Variants in CCN4 observed in about 807,000 individuals in gnomAD.
CCN4 encodes cellular communication network factor 4.
In CCN4, 30 loss-of-function variants were observed where a neutral mutation model predicts 36.7. The ratio of observed to expected loss-of-function variants is 0.82; its 90% CI spans 0.61 to 1.11. The LOEUF (loss-of-function observed/expected upper bound fraction) is 1.11. CCN4 is among the 50% of genes least tolerant of loss of function. The pLI, the probability that CCN4 is intolerant of heterozygous loss-of-function variation, is 0.00. For synonymous variants in CCN4, 191 were observed against 195.4 expected (o/e 0.98, Z 0.19); for missense variants, 505 against 504.9 (o/e 1.00, Z 0.00).
intron 1 of CCN4, among the ~76,000 whole-genome samples, chr8:133,205,375 C>CT (rs937875315): frequency 6.6e-6 from 1 of 152,134 alleles, no homozygotes; most frequent in Non-Finnish European, 1.5e-5. Flanking sequence ...TTGTCTTTGT[C>CT]TTTTTTTTCC....
In CCN4 at chr8:133,225,567, T is replaced by TA; in HGVS notation, c.788_789insA (p.His264ProfsTer5). ...AACTTGCGGCCATGCGATGTGGACA[T>TA]CCATACACTCATTAAGGTGGGTCCA... On this transcript the variant is annotated frameshift_variant, in exon 4 of 5. Coordinates refer to ENST00000250160, the MANE Select transcript of CCN4 (RefSeq NM_003882.4). LOFTEE classifies it high-confidence loss of function. 3.1e-6 allele frequency: 5 copies of TA among 1,609,098 alleles called. No individual in the cohort carries two copies. Among genetic ancestry groups the TA allele is most frequent in the Non-Finnish European group, 4.2e-6 (5 of 1,176,542 alleles).
chr8:133,209,350 GC>G (rs1853901250), intron 1 of CCN4, among the ~76,000 whole-genome samples: 1 of 152,210 alleles, frequency 6.6e-6, no homozygotes, highest in Non-Finnish European at 1.5e-5. Flanking sequence ...ACCAAACCCA[GC>G]AGTCCTCATG....
Position 133,210,292 on chromosome 8 carries a change from C to T in CCN4, c.70-2572C>T, listed in dbSNP as rs1164256375. Among the ~76,000 whole-genome samples, 7 of 152,040 alleles carry T rather than the reference C, an allele frequency of 4.6e-5. 1 individual carries two copies. The East Asian group carries it at 1.4e-3, about 29-fold the overall frequency. On this transcript the variant is annotated intron_variant, in intron 1 of 4. Coordinates refer to ENST00000250160, the MANE Select transcript of CCN4 (RefSeq NM_003882.4). ...CAAGAGCACGTCCTGAGTGTGGTGG[C>T]TCTGAGAGATGGTCTGCTAGTGCTC...
intron 1 of CCN4, among the ~76,000 whole-genome samples, chr8:133,208,558 C>A (rs761027203): frequency 7.2e-5 from 11 of 152,218 alleles, no homozygotes; most frequent in Non-Finnish European, 1.5e-4. Context: ...CCTCATCCGT[C>A]CTAGCCTTCG....
rs1854305329 is a variant in CCN4, at chr8:133,215,975, C to A, written c.349+2832C>A. Among the ~76,000 whole-genome samples the A allele has an allele frequency of 2.7e-5, 4 of 147,916 alleles. No individual in the cohort carries two copies. The South Asian group carries it at 8.4e-4, about 31-fold the overall frequency. The stretch of plus-strand genomic sequence containing the variant: ...TTCAGTCAGATAGTTCCTTACCCAC[C>A]CATTACACTACACACACACACACAC... On this transcript the variant is annotated intron_variant, in intron 2 of 4. Coordinates refer to ENST00000250160, the MANE Select transcript of CCN4 (RefSeq NM_003882.4).
intron 3 of CCN4, among the ~76,000 whole-genome samples, chr8:133,223,087 C>T (rs924785449): frequency 3.9e-5 from 6 of 152,130 alleles, no homozygotes; most frequent in Middle Eastern, 3.4e-3. Context: ...CAAAATTGCT[C>T]GGTGGAGAAG....
At chr8:133,201,538 T>G (rs1472527048) in intron 1 of CCN4, among the ~76,000 whole-genome samples, 1 of 152,174 alleles carries the variant, frequency 6.6e-6, no homozygotes, top group Non-Finnish European at 1.5e-5. Flanking sequence ...TTCGCTAGAT[T>G]TTTAAGAATA....
At position 133,212,889 on chromosome 8, in the gene CCN4, T is replaced by G. The variant is rs1854110131; in HGVS notation, c.95T>G (p.Met32Arg). The G allele has an allele frequency of 6.2e-7, 1 of 1,601,458 alleles. No homozygotes were observed. The highest frequency in any genetic ancestry group is 1.3e-5 in the African/African-American group (1 of 74,164). ...ATALSPAPTT[M>R]DFTPAPLEDT... is the part of the protein sequence containing the mutation. ...GCCCTCTCTCCAGCCCCTACGACCA[T>G]GGACTTTACCCCAGCTCCACTGGAG... is the stretch of plus-strand genomic sequence containing the variant. Residue 32 changes from methionine to arginine, a missense_variant, in exon 2 of 5, where the codon ATG (methionine) becomes AGG (arginine). Physicochemically the swap from Met to Arg is moderately conservative, Grantham distance 91. Coordinates refer to ENST00000250160, the MANE Select transcript of CCN4 (RefSeq NM_003882.4).
chr8:133,215,795 T>C (rs1854300025), intron 2 of CCN4, among the ~76,000 whole-genome samples: 1 of 152,276 alleles, frequency 6.6e-6, no homozygotes, highest in African/African-American at 2.4e-5. Context: ...GGTTCCCTGG[T>C]CATGAAGTTT....
chr8:133,197,528 CA>C (rs1187376572), intron 1 of CCN4, among the ~76,000 whole-genome samples: 1 of 152,082 alleles, frequency 6.6e-6, no homozygotes, highest in Non-Finnish European at 1.5e-5. Flanking sequence ...GTCTCCCCCC[CA>C]GCTCTGACAT....
At chr8:133,204,769 G>T (rs1433366704) in intron 1 of CCN4, among the ~76,000 whole-genome samples, 2 of 152,296 alleles carry the variant, frequency 1.3e-5, no homozygotes, top group African/African-American at 4.8e-5. Flanking sequence ...TGGCCAGGCT[G>T]GTCTCGACCT....
rs146770144 is a variant in CCN4 at position 133,206,373 on chromosome 8, G to C, written c.70-6491G>C. 3.1e-3 allele frequency among the ~76,000 whole-genome samples: 465 copies of C among 152,310 alleles called. 4 individuals are homozygous for C. The highest frequency in any genetic ancestry group is 0.011 in the African/African-American group (439 of 41,570). ...GGTACCTGGGCCCTTGGATGACTCC[G>C]CAAGCGGATGTGCAAGGAATGAGGA... is the stretch of plus-strand genomic sequence containing the variant. On this transcript the variant is annotated intron_variant, in intron 1 of 4. Coordinates refer to ENST00000250160, the MANE Select transcript of CCN4 (RefSeq NM_003882.4).
At chr8:133,222,740 G>A (rs1019218052) in intron 3 of CCN4, among the ~76,000 whole-genome samples, 2 of 151,520 alleles carry the variant, frequency 1.3e-5, no homozygotes, top group Non-Finnish European at 1.5e-5. Context: ...TGCTTACGAG[G>A]CAAGCAGTAG....
In CCN4 at chr8:133,227,856, G is replaced by A. The variant is rs973081303; in HGVS notation, c.*146G>A. 9 of 851,148 alleles carry A rather than the reference G, an allele frequency of 1.1e-5. No individual in the cohort carries two copies. The highest frequency in any genetic ancestry group is 3.4e-5 in the African/African-American group (2 of 58,264). 52.7% of individuals were successfully genotyped at this position (851,148 alleles called of 1,614,324 possible). A position where few individuals can be genotyped will look rare whatever the true frequency, so the allele number is the denominator to read the frequency against. ...TTCTGTCTCTAACCATTCAAATGAC[G>A]CCTGATGGTGCTGCTCAGGCCCATG... On this transcript the variant is annotated 3_prime_UTR_variant, in exon 5 of 5. Coordinates refer to ENST00000250160, the MANE Select transcript of CCN4 (RefSeq NM_003882.4).
rs970917443 is a variant in CCN4, at chr8:133,231,099, A to C, written c.*3389A>C. On this transcript the variant is annotated 3_prime_UTR_variant, in exon 5 of 5. Transcript: ENST00000250160. ...GCAATTTTAACTTTGAAAATGATTC[A>C]GAATTATCAAAGATAGTAGATTCGA... 1 of 152,244 alleles carries C rather than the reference A, an allele frequency of 6.6e-6. No homozygotes were observed. The highest frequency in any genetic ancestry group is 1.5e-5 in the Non-Finnish European group (1 of 68,044). 9.4% of individuals were successfully genotyped at this position (152,244 alleles called of 1,614,324 possible).
intron 1 of CCN4, among the ~76,000 whole-genome samples, chr8:133,208,598 A>T (rs2929947): frequency 0.5 from 76,374 of 151,952 alleles, 21,136 homozygotes; most frequent in East Asian, 0.93. Context: ...TGCACCCTAC[A>T]CCAGGCTCTG....
At chr8:133,227,096 C>T (rs1854764155) in intron 4 of CCN4, among the ~76,000 whole-genome samples, 1 of 152,312 alleles carries the variant, frequency 6.6e-6, no homozygotes, top group African/African-American at 2.4e-5. Flanking sequence ...GCTACATAGG[C>T]TCCCCATGTT....
At chr8:133,221,979 T>G (rs1354390247) in intron 3 of CCN4, among the ~76,000 whole-genome samples, 1 of 149,936 alleles carries the variant, frequency 6.7e-6, no homozygotes, top group Non-Finnish European at 1.5e-5. Flanking sequence ...GACAGATGGA[T>G]GGATGAATGG....
At chr8:133,191,360 G>T in intron 1 of CCN4, 147 bp downstream of exon 1, 1 of 973,132 alleles carries the variant, frequency 1.0e-6, no homozygotes, top group East Asian at 2.6e-5. Context: ...ACAGAGCCCA[G>T]GGTGAGGAGT....
Sources: gnomAD v4.1 joint callset for allele counts (sites outside exome capture counted in the v4.1 genomes callset) on GRCh38, gnomAD v4.1.1 for gene constraint, MANE v1.5 for transcripts, NCBI Gene and HGNC (gene_info 2026-07-23, HGNC 2026-07-21) for gene names.